The following TMEM154 variants were observed in gnomAD, a reference collection of about 807,000 sequenced individuals.
The protein encoded by TMEM154 is transmembrane protein 154.
Under a neutral mutation model 24.5 loss-of-function variants are expected in TMEM154, and 27 were observed. The ratio of observed to expected loss-of-function variants is 1.10; its 90% CI spans 0.81 to 1.52. TMEM154 has a LOEUF of 1.52. Among genes scored for constraint, TMEM154 ranks in the 40% most tolerant of loss-of-function variants. The pLI is 0.00. For synonymous variants in TMEM154, 67 were observed against 76.8 expected, an observed-to-expected ratio of 0.87 and a Z score of 0.67; for missense variants, 228 against 213.4, an observed-to-expected ratio of 1.07 and a Z score of -0.43.
chr4:152,660,831 C>G (rs1003511239), intron 1 of TMEM154, among the ~76,000 whole-genome samples: 1 of 152,214 alleles, frequency 6.6e-6, no homozygotes, highest in Non-Finnish European at 1.5e-5. Context: ...TACTGGGGCT[C>G]TTGCTAAGGC....
chr4:152,648,203 G>A (rs981824584), intron 3 of TMEM154, among the ~76,000 whole-genome samples: 2 of 152,172 alleles, frequency 1.3e-5, no homozygotes, highest in South Asian at 4.1e-4. Context: ...GCCCTAGCAG[G>A]GGGGCGTGGT....
At chr4:152,657,256 G>T (rs1356307379) in intron 1 of TMEM154, among the ~76,000 whole-genome samples, 1 of 151,380 alleles carries the variant, frequency 6.6e-6, no homozygotes, top group East Asian at 1.9e-4. Context: ...GCTCATGCCT[G>T]TAATCCCAGC....
chr4:152,648,292 G>T lies in TMEM154; in HGVS notation c.365-3850C>A, dbSNP rs1387679410. Among the ~76,000 whole-genome samples, 6 of 152,270 alleles carry T rather than the reference G, an allele frequency of 3.9e-5. No individual in the cohort carries two copies. In the East Asian group the frequency reaches 9.6e-4, roughly 24 times the overall value. Reference sequence around the variant, plus strand: ...GAGCCTAGGAGTTTGAGACTTGCCTGAGCAACATAGCAAGACTCCATCTCT... The same window carrying T: ...GAGCCTAGGAGTTTGAGACTTGCCTTAGCAACATAGCAAGACTCCATCTCT... On this transcript the variant is annotated intron_variant, in intron 3 of 6. Coordinates refer to ENST00000304385, the MANE Select transcript of TMEM154 (RefSeq NM_152680.3).
At chr4:152,654,280 A>G (rs1579524614) in intron 1 of TMEM154, among the ~76,000 whole-genome samples, 1 of 152,238 alleles carries the variant, frequency 6.6e-6, no homozygotes, top group African/African-American at 2.4e-5. Flanking sequence ...GAGATAATTT[A>G]CAAGAAAGTT....
chr4:152,634,993 C>T (rs1181634691), intron 6 of TMEM154, among the ~76,000 whole-genome samples: 3 of 152,198 alleles, frequency 2.0e-5, no homozygotes, highest in South Asian at 2.1e-4. Flanking sequence ...TGGACCTAAC[C>T]CCACTGTAAG....
rs903864788 is a variant in TMEM154 at position 152,622,963 on chromosome 4, A to C, written c.*5583T>G. On this transcript the variant is annotated 3_prime_UTR_variant, in exon 7 of 7. Transcript: ENST00000304385. ...GTGATTCTTGGGCCTCAGCCCCCCG[A>C]GTAGGTGGGATTACAGGTGTGTACT... The C allele has an allele frequency of 4.6e-5, 7 of 152,150 alleles. No homozygotes were observed. The highest frequency in any genetic ancestry group is 1.7e-4 in the African/African-American group (7 of 41,416). 9.4% of individuals were successfully genotyped at this position (152,150 alleles called of 1,614,324 possible).
chr4:152,620,462 C>G lies in TMEM154; in HGVS notation c.*8084G>C. On this transcript the variant is annotated 3_prime_UTR_variant, in exon 7 of 7. Coordinates refer to ENST00000304385, the MANE Select transcript of TMEM154 (RefSeq NM_152680.3). The stretch of plus-strand genomic sequence containing the variant: ...CTGCAGCCTCTGTTACTTCTTATCT[C>G]AGGCTATGCTCACCTTAAGGCATCC... The G allele has an allele frequency of 6.6e-6, 1 of 152,226 alleles. No individual in the cohort carries two copies. Among genetic ancestry groups the G allele is most frequent in the East Asian group, 1.9e-4 (1 of 5,192 alleles). The allele number at this position is 152,226 out of a possible 1,614,324, so 9.4% of individuals were successfully genotyped here.
chr4:152,625,554 C>T lies in TMEM154; in HGVS notation c.*2992G>A, dbSNP rs931226736. ...CAAAAATTAGCTGGGCATAGTGACA[C>T]AGGCCTGTAATCTCAGTTGCTTGGG... On this transcript the variant is annotated 3_prime_UTR_variant, in exon 7 of 7. Transcript: ENST00000304385. 1.3e-5 allele frequency: 2 copies of T among 152,026 alleles called. No homozygotes were observed. The highest frequency in any genetic ancestry group is 2.9e-5 in the Non-Finnish European group (2 of 68,128). 9.4% of individuals were successfully genotyped at this position (152,026 alleles called of 1,614,324 possible). A position where few individuals can be genotyped will look rare whatever the true frequency, so the allele number is the denominator to read the frequency against.
At chr4:152,639,985 G>A (rs373614184) in intron 6 of TMEM154, among the ~76,000 whole-genome samples, 1 of 152,118 alleles carries the variant, frequency 6.6e-6, no homozygotes, top group Non-Finnish European at 1.5e-5. Context: ...GGGGGGAGAC[G>A]CAGGAAAAGG....
At chr4:152,668,526 C>A (rs1383238384) in intron 1 of TMEM154, 1 of 152,154 alleles carries the variant, frequency 6.6e-6, no homozygotes, top group African/African-American at 2.4e-5. Flanking sequence ...CCACCCCATT[C>A]CATAGGTGAA....
In TMEM154 at chr4:152,652,873, G is replaced by C. The variant is rs1172924352; in HGVS notation, c.119C>G (p.Pro40Arg). The C allele has an allele frequency of 6.2e-7, 1 of 1,613,454 alleles. No individual in the cohort carries two copies. Among genetic ancestry groups the C allele is most frequent in the Admixed American group, 1.7e-5 (1 of 59,940 alleles). ...TGTGCTTGGAATAGTCACTTTATTT[G>C]GTCTTTCAGATTCCACAGTTGTATC... ...SGDTTVESER[P>R]NKVTIPSTFA... Residue 40 changes from proline to arginine, a missense_variant, in exon 2 of 7, where the codon CCA (proline) becomes CGA (arginine). Transcript: ENST00000304385.
chr4:152,648,687 G>A (rs1359057748), intron 3 of TMEM154, among the ~76,000 whole-genome samples: 1 of 152,212 alleles, frequency 6.6e-6, no homozygotes, highest in Non-Finnish European at 1.5e-5. Flanking sequence ...CATGTCTGAG[G>A]TTGAGGCTGG....
chr4:152,652,960 T>C, intron 1 of TMEM154, 33 bp from the exon 2 acceptor site: 1 of 1,550,102 alleles, frequency 6.5e-7, no homozygotes, highest in Non-Finnish European at 8.7e-7. Context: ...GAAATTTCCA[T>C]GGAGACAAAG....
chr4:152,655,551 A>G (rs1728474107), intron 1 of TMEM154, among the ~76,000 whole-genome samples: 1 of 152,008 alleles, frequency 6.6e-6, no homozygotes, highest in African/African-American at 2.4e-5. Context: ...ATGTCTCTGG[A>G]GCTCCTGCCT....
chr4:152,674,937 C>A (rs962087241), intron 1 of TMEM154, among the ~76,000 whole-genome samples: 1 of 151,916 alleles, frequency 6.6e-6, no homozygotes, highest in Non-Finnish European at 1.5e-5. Flanking sequence ...GAGTGGATCA[C>A]CTGAAGTCAG....
At chr4:152,630,809 T>G (rs1399577909) in intron 6 of TMEM154, among the ~76,000 whole-genome samples, 2 of 152,216 alleles carry the variant, frequency 1.3e-5, no homozygotes, top group African/African-American at 4.8e-5. Flanking sequence ...TCCCAAAGAT[T>G]TTTCTGTGAT....
intron 6 of TMEM154, among the ~76,000 whole-genome samples, chr4:152,633,496 T>A (rs1752090196): frequency 6.6e-6 from 1 of 152,268 alleles, no homozygotes; most frequent in Non-Finnish European, 1.5e-5. Flanking sequence ...TAGACATTTT[T>A]AATTCTGAAA....
intron 1 of TMEM154, among the ~76,000 whole-genome samples, chr4:152,656,852 T>C (rs1579526645): frequency 6.6e-6 from 1 of 150,486 alleles, no homozygotes; most frequent in Non-Finnish European, 1.5e-5. Flanking sequence ...ACCTGGGAGG[T>C]GGAGGTTGCG....
chr4:152,623,500 T>C lies in TMEM154; in HGVS notation c.*5046A>G, dbSNP rs963947368. 2 of 152,236 alleles carry C rather than the reference T, an allele frequency of 1.3e-5. No individual in the cohort carries two copies. Among genetic ancestry groups the C allele is most frequent in the African/African-American group, 4.8e-5 (2 of 41,464 alleles). The allele number at this position is 152,236 out of a possible 1,614,324, so 9.4% of individuals were successfully genotyped here. ...CATCAGAGTAATACATTGCTTACTC[T>C]CCACTGATTTGTACACTGGAAAAAT... On this transcript the variant is annotated 3_prime_UTR_variant, in exon 7 of 7. Coordinates refer to ENST00000304385, the MANE Select transcript of TMEM154 (RefSeq NM_152680.3).
Sources: gnomAD v4.1 joint callset for allele counts (sites outside exome capture counted in the v4.1 genomes callset) on GRCh38, gnomAD v4.1.1 for gene constraint, MANE v1.5 for transcripts, NCBI Gene and HGNC (gene_info 2026-07-23, HGNC 2026-07-21) for gene names.